Variants in COL5A2 observed in about 807,000 individuals in gnomAD.
COL5A2 encodes collagen type V alpha 2 chain.
COL5A2 carries 23 observed loss-of-function variants against 208.2 expected under a neutral mutation model. That is an observed-to-expected ratio of 0.11 (90% CI 0.08 to 0.16). The LOEUF (loss-of-function observed/expected upper bound fraction) is 0.16. Ranked by LOEUF, COL5A2 falls within the 10% of genes least tolerant of loss-of-function variation. The pLI is 1.00. For missense variants in COL5A2, 1,590 were observed against 1,956.4 expected (o/e 0.81, Z 3.53); for synonymous variants, 625 against 628.5 (o/e 0.99, Z 0.08).
rs75298771 is a variant in COL5A2 at position 189,087,888 on chromosome 2, C to T, written c.645+807G>A. Among the ~76,000 whole-genome samples, 1,407 of 151,310 alleles carry T rather than the reference C, an allele frequency of 9.3e-3. 20 individuals are homozygous for T. Among genetic ancestry groups the T allele is most frequent in the African/African-American group, 0.033 (1,348 of 41,358 alleles). On this transcript the variant is annotated intron_variant, in intron 8 of 53. Coordinates refer to ENST00000374866, the MANE Select transcript of COL5A2 (RefSeq NM_000393.5). The stretch of plus-strand genomic sequence containing the variant: ...AATTTAAACTCCAAATGGATAAAAA[C>T]ATGCAACTCAAAAAAAAGTTCCCAA...
Position 189,033,089 on chromosome 2 carries a change from T to C in COL5A2, c.*981A>G, listed in dbSNP as rs1346058679. On this transcript the variant is annotated 3_prime_UTR_variant, in exon 54 of 54. Coordinates refer to ENST00000374866, the MANE Select transcript of COL5A2 (RefSeq NM_000393.5). ...AGGCCAAATGGTCTAATTCCAATCA[T>C]CACATTTGATTAGAGTCAGCTCCAC... 6.6e-6 allele frequency: 1 copy of C among 152,614 alleles called. No individual in the cohort carries two copies. Among genetic ancestry groups the C allele is most frequent in the East Asian group, 1.9e-4 (1 of 5,190 alleles). The allele number at this position is 152,614 out of a possible 1,614,324, so 9.5% of individuals were successfully genotyped here.
intron 1 of COL5A2, 88 bp downstream of exon 1, chr2:189,179,420 C>T: frequency 1.4e-6 from 2 of 1,458,840 alleles, no homozygotes; most frequent in Non-Finnish European, 1.9e-6. Context: ...CCAGAACCTC[C>T]TCTTCACGCT....
chr2:189,212,080 T>G (rs1689219153), intron 1 of COL5A2, among the ~76,000 whole-genome samples: 1 of 152,164 alleles, frequency 6.6e-6, no homozygotes. Context: ...GAGGGGATTA[T>G]TTTATCACTT....
chr2:189,135,031 G>T (rs1007620557), intron 1 of COL5A2, among the ~76,000 whole-genome samples: 3 of 152,016 alleles, frequency 2.0e-5, no homozygotes, highest in Non-Finnish European at 4.4e-5. Context: ...CATAACGTTG[G>T]GTTGGCTGGA....
intron 1 of COL5A2, among the ~76,000 whole-genome samples, chr2:189,203,044 C>T (rs1689097592): frequency 6.6e-6 from 1 of 151,952 alleles, no homozygotes; most frequent in Non-Finnish European, 1.5e-5. Context: ...TTTCCATTGG[C>T]ACAGATAAAA....
chr2:189,147,259 C>T (rs1210529105), intron 1 of COL5A2, among the ~76,000 whole-genome samples: 5 of 152,072 alleles, frequency 3.3e-5, no homozygotes, highest in African/African-American at 7.2e-5. Context: ...AACATCTATA[C>T]GAAAATTATG....
At chr2:189,342,727 C>T in the COL5A2 span, among the ~76,000 whole-genome samples, 5 of 151,222 alleles carry the variant, frequency 3.3e-5, no homozygotes, top group Non-Finnish European at 5.9e-5. Flanking sequence ...TTTACGTCCA[C>T]CAATACCACT....
At chr2:189,208,178 C>A (rs1689164728) in intron 1 of COL5A2, among the ~76,000 whole-genome samples, 1 of 152,148 alleles carries the variant, frequency 6.6e-6, no homozygotes, top group Admixed American at 6.6e-5. Context: ...TCCAACCCAC[C>A]CTCCTTTGCC....
chr2:189,171,497 A>G (rs1688573024), intron 1 of COL5A2, among the ~76,000 whole-genome samples: 1 of 152,180 alleles, frequency 6.6e-6, no homozygotes, highest in African/African-American at 2.4e-5. Context: ...GGTACACTTG[A>G]GAAACATTTA....
intron 1 of COL5A2, among the ~76,000 whole-genome samples, chr2:189,149,146 T>A (rs1158820501): frequency 1.3e-5 from 2 of 152,114 alleles, no homozygotes; most frequent in Non-Finnish European, 2.9e-5. Context: ...TGTACTCCAA[T>A]AAAAGTTTTG....
chr2:189,341,500 G>T, the COL5A2 span, among the ~76,000 whole-genome samples: 1 of 151,888 alleles, frequency 6.6e-6, no homozygotes, highest in African/African-American at 2.4e-5. Flanking sequence ...TATCAGTTTT[G>T]GAAATTCAGT....
chr2:189,333,676 T>C, the COL5A2 span, among the ~76,000 whole-genome samples: 1 of 152,064 alleles, frequency 6.6e-6, no homozygotes, highest in African/African-American at 2.4e-5. Flanking sequence ...ATGACTGATG[T>C]TCTTATAAAA....
chr2:189,397,221 T>A, the COL5A2 span, among the ~76,000 whole-genome samples: 1 of 152,142 alleles, frequency 6.6e-6, no homozygotes, highest in Admixed American at 6.5e-5. Context: ...ATGAAGGCAC[T>A]CAGTAAACAG....
At chr2:189,167,755 A>G (rs1264187439) in intron 1 of COL5A2, among the ~76,000 whole-genome samples, 3 of 151,482 alleles carry the variant, frequency 2.0e-5, no homozygotes, top group Non-Finnish European at 4.4e-5. Context: ...ACCCAGAGCA[A>G]TGCAGAGTGG....
intron 1 of COL5A2, among the ~76,000 whole-genome samples, chr2:189,185,459 T>G (rs1688839842): frequency 6.6e-6 from 1 of 151,978 alleles, no homozygotes; most frequent in South Asian, 2.1e-4. Flanking sequence ...AAAAGGACAG[T>G]GGAAATAGAA....
At chr2:189,042,535 A>G (rs1042234518) in intron 49 of COL5A2, among the ~76,000 whole-genome samples, 185 bp downstream of exon 49, 3 of 152,208 alleles carry the variant, frequency 2.0e-5, no homozygotes, top group African/African-American at 7.2e-5. Flanking sequence ...GTAATATATC[A>G]TATTTCAAGA....
the COL5A2 span, among the ~76,000 whole-genome samples, chr2:189,289,644 T>A: frequency 3.3e-4 from 50 of 152,198 alleles, no homozygotes; most frequent in African/African-American, 1.2e-3. Context: ...AAATCTAGAC[T>A]CCACGGAGAA....
At chr2:189,134,208 A>C (rs922061842) in intron 1 of COL5A2, among the ~76,000 whole-genome samples, 2 of 152,168 alleles carry the variant, frequency 1.3e-5, no homozygotes, top group African/African-American at 4.8e-5. Context: ...TTACAGAGTT[A>C]GTTATAATCT....
chr2:189,396,108 A>T, the COL5A2 span, among the ~76,000 whole-genome samples: 5,325 of 152,192 alleles, frequency 0.035, 107 homozygotes, highest in Admixed American at 0.05. Context: ...ATTAGTATTT[A>T]GTCCCAATTT....
Sources: allele counts gnomAD v4.1 joint callset (sites outside exome capture counted in the v4.1 genomes callset), GRCh38; gene constraint gnomAD v4.1.1; transcripts MANE v1.5; gene names NCBI Gene and HGNC (gene_info 2026-07-23, HGNC 2026-07-21).